The following DESI2 variants were observed in gnomAD, a reference collection of about 807,000 sequenced individuals.
The protein encoded by DESI2 is deubiquitinase DESI2.
A neutral mutation model predicts 24.1 loss-of-function variants in DESI2; 10 were observed. That is an observed-to-expected ratio of 0.41 (90% CI 0.26 to 0.70). DESI2 has a LOEUF of 0.70. DESI2 is among the 30% of genes least tolerant of loss of function. The probability of loss-of-function intolerance (pLI) is 0.29; values close to 1 mark genes in which losing one functional copy is unlikely to be tolerated. For synonymous variants in DESI2, 71 were observed against 87.7 expected, an observed-to-expected ratio of 0.81 and a Z score of 1.06; for missense variants, 122 against 234.9, an observed-to-expected ratio of 0.52 and a Z score of 3.14.
At position 244,697,824 on chromosome 1, in the gene DESI2, A is replaced by C. The variant is rs138150816; in HGVS notation, c.351+5804A>C. ...GAGCTTTGGTTGGGCCAAAAATGTT[A>C]AACATTTATGGCACTCTTTCCTCAC... is the stretch of plus-strand genomic sequence containing the variant. On this transcript the variant is annotated intron_variant, in intron 4 of 4. Transcript: ENST00000302550. 1.5e-3 allele frequency among the ~76,000 whole-genome samples: 222 copies of C among 152,082 alleles called. 2 individuals carry two copies. Among genetic ancestry groups the C allele is most frequent in the African/African-American group, 5.2e-3 (217 of 41,496 alleles).
Position 244,705,800 on chromosome 1 carries a change from A to C in DESI2, c.*11A>C. 4 of 1,587,980 alleles carry C rather than the reference A, an allele frequency of 2.5e-6. No individual in the cohort carries two copies. The Admixed American group carries it at 5.0e-5, about 20-fold the overall frequency. On this transcript the variant is annotated 3_prime_UTR_variant, in exon 5 of 5. Coordinates refer to ENST00000302550, the MANE Select transcript of DESI2 (RefSeq NM_016076.5). ...CACACTAAACTATAAATGTCTCCAA[A>C]GTCACACATTCAGAACTGTCTCTGG...
chr1:244,668,451 T>G (rs1434919296), intron 1 of DESI2, among the ~76,000 whole-genome samples: 2 of 152,226 alleles, frequency 1.3e-5, no homozygotes, highest in African/African-American at 2.4e-5. Context: ...TTGAAATGTC[T>G]TCTTTTCCCT....
At chr1:244,661,448 T>C (rs1311197393) in intron 1 of DESI2, among the ~76,000 whole-genome samples, 1 of 152,154 alleles carries the variant, frequency 6.6e-6, no homozygotes, top group African/African-American at 2.4e-5. Context: ...CTAGGGTACA[T>C]GTGCACAATG....
chr1:244,694,770 A>G, intron 4 of DESI2: 1 of 580,790 alleles, frequency 1.7e-6, no homozygotes, highest in Admixed American at 3.1e-5. Context: ...TTATTAGAAC[A>G]CAGCCATGCT....
rs902815761 is a variant in DESI2 at position 244,705,486 on chromosome 1, C to A, written c.352-70C>A. On this transcript the variant is annotated intron_variant, in intron 4 of 4. Transcript: ENST00000302550. ...TACGCCGCCCCCCTCCTCCCACCCT[C>A]CACTCCCTGGCAGTGGACCAGGTAA... is the stretch of plus-strand genomic sequence containing the variant. The A allele has an allele frequency of 3.0e-6, 4 of 1,353,040 alleles. No individual in the cohort carries two copies. The East Asian group carries it at 6.9e-5, about 23-fold the overall frequency. 83.8% of individuals were successfully genotyped at this position (1,353,040 alleles called of 1,614,324 possible).
rs747352048 is a variant in DESI2, at chr1:244,707,748, T to A, written c.*1959T>A. The A allele has an allele frequency of 6.6e-6, 1 of 152,226 alleles. No homozygotes were observed. Among genetic ancestry groups the A allele is most frequent in the Non-Finnish European group, 1.5e-5 (1 of 68,038 alleles). The allele number at this position is 152,226 out of a possible 1,614,324, so 9.4% of individuals were successfully genotyped here. On this transcript the variant is annotated 3_prime_UTR_variant, in exon 5 of 5. Transcript: ENST00000302550. The stretch of plus-strand genomic sequence containing the variant: ...TAGCCATTAGTTAGACTCTTCTTAG[T>A]GAATATCAGGAACATCCCATCTGTG...
intron 1 of DESI2, among the ~76,000 whole-genome samples, chr1:244,683,416 A>G (rs1249758956): frequency 2.7e-5 from 4 of 150,690 alleles, no homozygotes; most frequent in Non-Finnish European, 5.9e-5. Context: ...GGTTCATGCC[A>G]TTCTCCTGCC....
intron 4 of DESI2, among the ~76,000 whole-genome samples, chr1:244,702,052 C>A (rs758172813): frequency 6.6e-6 from 1 of 152,158 alleles, no homozygotes; most frequent in Non-Finnish European, 1.5e-5. Flanking sequence ...ACTATTTGAT[C>A]ACTAGCCACC....
intron 2 of DESI2, 45 bp downstream of exon 2, chr1:244,686,714 C>A: frequency 2.3e-6 from 3 of 1,309,802 alleles, no homozygotes; most frequent in Non-Finnish European, 2.2e-6. Flanking sequence ...AGATTTTGTA[C>A]TTTAAAAGAG....
chr1:244,699,288 T>G (rs1308499347), intron 4 of DESI2, among the ~76,000 whole-genome samples: 1 of 152,088 alleles, frequency 6.6e-6, no homozygotes, highest in Non-Finnish European at 1.5e-5. Context: ...TTACATTATA[T>G]AAAAATATTT....
intron 1 of DESI2, among the ~76,000 whole-genome samples, chr1:244,654,829 C>T (rs1350391395): frequency 6.6e-6 from 1 of 152,134 alleles, no homozygotes; most frequent in Non-Finnish European, 1.5e-5. Flanking sequence ...GTTTTTTATT[C>T]ATGAGGGCTA....
At chr1:244,663,367 G>T (rs889797886) in intron 1 of DESI2, among the ~76,000 whole-genome samples, 1 of 151,812 alleles carries the variant, frequency 6.6e-6, no homozygotes, top group Non-Finnish European at 1.5e-5. Flanking sequence ...TAGTAGAGAC[G>T]GGGTTTCACC....
At chr1:244,686,328 C>T (rs1475105362) in intron 1 of DESI2, among the ~76,000 whole-genome samples, 3 of 151,868 alleles carry the variant, frequency 2.0e-5, no homozygotes, top group Non-Finnish European at 4.4e-5. Context: ...CTCCCCCCAC[C>T]GCCCCACAAA....
At chr1:244,695,699 T>C (rs1477940953) in intron 4 of DESI2, among the ~76,000 whole-genome samples, 1 of 152,106 alleles carries the variant, frequency 6.6e-6, no homozygotes, top group African/African-American at 2.4e-5. Context: ...ATTCAAAACA[T>C]ATAAAAGTAG....
chr1:244,675,352 A>T (rs1280295232), intron 1 of DESI2, among the ~76,000 whole-genome samples: 1 of 152,138 alleles, frequency 6.6e-6, no homozygotes, highest in African/African-American at 2.4e-5. Context: ...CATATCTATG[A>T]AGCCATTGCG....
intron 1 of DESI2, among the ~76,000 whole-genome samples, chr1:244,662,205 T>A (rs1675872024): frequency 6.6e-6 from 1 of 152,248 alleles, no homozygotes; most frequent in South Asian, 2.1e-4. Flanking sequence ...AAATGTCTTC[T>A]TTTGAGAAGT....
At chr1:244,673,084 G>C (rs1006039853) in intron 1 of DESI2, among the ~76,000 whole-genome samples, 1 of 152,122 alleles carries the variant, frequency 6.6e-6, no homozygotes, top group African/African-American at 2.4e-5. Context: ...CATATTGTCT[G>C]CATAGCTTTG....
intron 3 of DESI2, among the ~76,000 whole-genome samples, chr1:244,691,152 G>A (rs564380659): frequency 4.6e-5 from 7 of 152,138 alleles, no homozygotes; most frequent in Non-Finnish European, 7.4e-5. Flanking sequence ...ACAGTGGTAC[G>A]ATCTCGGCTC....
At chr1:244,680,008 G>C in intron 1 of DESI2, among the ~76,000 whole-genome samples, 1 of 139,798 alleles carries the variant, frequency 7.2e-6, no homozygotes, top group Non-Finnish European at 1.5e-5. Flanking sequence ...TCCAATAATG[G>C]TTCTTTTTAG....
Sources: gnomAD v4.1 joint callset for allele counts (sites outside exome capture counted in the v4.1 genomes callset) on GRCh38, gnomAD v4.1.1 for gene constraint, MANE v1.5 for transcripts, NCBI Gene and HGNC (gene_info 2026-07-23, HGNC 2026-07-21) for gene names.